PTK7: variants seen among roughly 807,000 people sequenced by gnomAD.
The protein encoded by PTK7 is protein tyrosine kinase 7 (inactive).
Under a neutral mutation model 116.6 loss-of-function variants are expected in PTK7, and 39 were observed. The observed-to-expected ratio is 0.33, with a 90% CI of 0.26 to 0.44. PTK7 has a LOEUF of 0.44. Among genes scored for constraint, PTK7 ranks in the 20% least tolerant of loss-of-function variants. PTK7 has a pLI of 1.00. For synonymous variants in PTK7, 546 were observed against 563.6 expected (o/e 0.97, Z 0.44); for missense variants, 1,169 against 1,425.6 (o/e 0.82, Z 2.90).
chr6:43,086,056 G>A (rs1301979004), intron 1 of PTK7, among the ~76,000 whole-genome samples: 1 of 152,130 alleles, frequency 6.6e-6, no homozygotes, highest in Non-Finnish European at 1.5e-5. Flanking sequence ...TTTTCCTGGT[G>A]GGAATTCTCC....
intron 1 of PTK7, among the ~76,000 whole-genome samples, chr6:43,100,233 A>G (rs545608968): frequency 6.6e-6 from 1 of 152,182 alleles, no homozygotes; most frequent in Admixed American, 6.5e-5. Flanking sequence ...AATATGAAAA[A>G]TTAGCTGGGC....
At chr6:43,114,497 G>A (rs999313800) in intron 1 of PTK7, among the ~76,000 whole-genome samples, 2 of 151,632 alleles carry the variant, frequency 1.3e-5, no homozygotes, top group South Asian at 2.1e-4. Context: ...TTGGAGGTCC[G>A]TAAGAGGTAC....
chr6:43,153,556 C>T (rs943856763), intron 17 of PTK7, among the ~76,000 whole-genome samples: 2 of 152,048 alleles, frequency 1.3e-5, no homozygotes, highest in Non-Finnish European at 2.9e-5. Flanking sequence ...ACTACAGGCA[C>T]CCACCACCAC....
At chr6:43,148,862 C>T (rs1770882164) in intron 17 of PTK7, among the ~76,000 whole-genome samples, 2 of 150,630 alleles carry the variant, frequency 1.3e-5, no homozygotes. Flanking sequence ...AGTACGAGAC[C>T]AGCCTGGCCA....
At chr6:43,118,907 G>A (rs1768780412) in intron 1 of PTK7, among the ~76,000 whole-genome samples, 1 of 150,794 alleles carries the variant, frequency 6.6e-6, no homozygotes, top group Non-Finnish European at 1.5e-5. Context: ...TAGCTGGGAC[G>A]ACAGGTGGGC....
chr6:43,113,432 CA>C (rs374911644), intron 1 of PTK7, among the ~76,000 whole-genome samples: 17 of 143,860 alleles, frequency 1.2e-4, no homozygotes, highest in South Asian at 2.2e-4. Context: ...TACTCCATCT[CA>C]AAAAAAAAAA....
At chr6:43,095,197 TAAAAAAAAAAAAA>T (rs34914497) in intron 1 of PTK7, among the ~76,000 whole-genome samples, 1 of 89,014 alleles carries the variant, frequency 1.1e-5, no homozygotes, top group African/African-American at 4.5e-5. Flanking sequence ...CAGTCTCTAC[TAAAAAAAAAAAAA>T]AAAAAAAAAA....
Position 43,143,497 on chromosome 6 carries a change from G to T in PTK7, c.2128G>T (p.Gly710Cys). The T allele has an allele frequency of 6.2e-7, 1 of 1,614,104 alleles. No individual in the cohort carries two copies. ...GATCCAGACCATTGGGTTGTCGGTG[G>T]GTGCCGCTGTGGCCTACATCATTGC... ...KMIQTIGLSV[G>C]AAVAYIIAVL... The change falls in exon 14 of 20, where the codon GGT (glycine) becomes TGT (cysteine). Residue 710 changes from glycine (G) to cysteine (C), a missense_variant. Transcript: ENST00000230419. This position sits in a 1 kb window ranked among gnomAD's most constrained non-coding sequence, Gnocchi z 4.2.
At chr6:43,095,877 T>C (rs1037632064) in intron 1 of PTK7, among the ~76,000 whole-genome samples, 4 of 152,212 alleles carry the variant, frequency 2.6e-5, no homozygotes, top group Non-Finnish European at 4.4e-5. Context: ...TTGTCTTCAT[T>C]GTCCTGTGAG....
intron 17 of PTK7, among the ~76,000 whole-genome samples, chr6:43,151,209 TTC>T (rs1448364553): frequency 8.4e-6 from 1 of 119,528 alleles, no homozygotes; most frequent in Non-Finnish European, 1.8e-5. Context: ...TCCACCTGCC[TTC>T]TTTTTTTTTT....
chr6:43,118,620 C>CCTCTCTCTCTCTCT (rs1170818291), intron 1 of PTK7, among the ~76,000 whole-genome samples: 1 of 63,366 alleles, frequency 1.6e-5, no homozygotes, highest in Admixed American at 2.1e-4. Context: ...AATATTTTAA[C>CCTCTCTCTCTCTCT]CTCTCTCTCT....
intron 7 of PTK7, among the ~76,000 whole-genome samples, chr6:43,136,751 A>T (rs188183757): frequency 2.0e-5 from 3 of 152,270 alleles, no homozygotes; most frequent in Admixed American, 2.0e-4. Context: ...CTGCAATCCC[A>T]GTATTTTAGG....
At chr6:43,156,693 C>T (rs1219816948) in intron 17 of PTK7, among the ~76,000 whole-genome samples, 1 of 151,924 alleles carries the variant, frequency 6.6e-6, no homozygotes, top group Non-Finnish European at 1.5e-5. Context: ...AGGACGAGAT[C>T]GAGACCATCC....
intron 1 of PTK7, among the ~76,000 whole-genome samples, chr6:43,094,096 C>T (rs1767105051): frequency 6.6e-6 from 1 of 152,304 alleles, no homozygotes; most frequent in African/African-American, 2.4e-5. Flanking sequence ...AAGTTGCAAA[C>T]GAAGACAGGA....
At chr6:43,099,145 A>G (rs1032140408) in intron 1 of PTK7, among the ~76,000 whole-genome samples, 3 of 151,980 alleles carry the variant, frequency 2.0e-5, no homozygotes, top group Non-Finnish European at 2.9e-5. Flanking sequence ...GACTTTGGCA[A>G]TTCTAATGTA....
chr6:43,144,062 T>TAG (rs1178210660), intron 14 of PTK7, among the ~76,000 whole-genome samples: 3 of 152,206 alleles, frequency 2.0e-5, no homozygotes, highest in African/African-American at 4.8e-5. Context: ...GCTCAGGTGT[T>TAG]CAGGAGCAGA....
Position 43,143,429 on chromosome 6 carries a change from C to T in PTK7, c.2060C>T (p.Pro687Leu), listed in dbSNP as rs375598506. 26 of 1,613,848 alleles carry T rather than the reference C, an allele frequency of 1.6e-5. No individual in the cohort carries two copies. The highest frequency in any genetic ancestry group is 1.6e-4 in the Middle Eastern group (1 of 6,062). Residue 687 changes from proline to leucine, a missense_variant, in exon 14 of 20, where the codon CCG becomes CTG. Physicochemically the swap from Pro to Leu is moderately conservative, Grantham distance 98 (BLOSUM62 -3). Transcript: ENST00000230419. This position sits in a 1 kb window ranked among gnomAD's most constrained non-coding sequence, Gnocchi z 4.2. The stretch of plus-strand genomic sequence containing the variant: ...GTGTGTCTCTCAGACAAGCCTGTGC[C>T]GGAGGAGTCGGAGGGCCCTGGCAGC... ...APLYVVDKPV[P>L]EESEGPGSPP...
At chr6:43,114,826 G>A (rs1437309976) in intron 1 of PTK7, among the ~76,000 whole-genome samples, 1 of 152,066 alleles carries the variant, frequency 6.6e-6, no homozygotes, top group Non-Finnish European at 1.5e-5. Flanking sequence ...GATTGCCTGA[G>A]GTCAGGAGTT....
At chr6:43,119,507 C>T (rs538590760) in intron 1 of PTK7, among the ~76,000 whole-genome samples, 64 of 152,188 alleles carry the variant, frequency 4.2e-4, no homozygotes, top group Admixed American at 3.8e-3. Flanking sequence ...CATTGGAACC[C>T]CTGGGAGTCA....
Sources: gnomAD v4.1 joint callset for allele counts (sites outside exome capture counted in the v4.1 genomes callset) on GRCh38, gnomAD v4.1.1 for gene constraint, Gnocchi (gnomAD v3.1) non-coding constraint, MANE v1.5 for transcripts, NCBI Gene and HGNC (gene_info 2026-07-23, HGNC 2026-07-21) for gene names.